WNT7B: variants seen among roughly 807,000 people sequenced by gnomAD.
The protein encoded by WNT7B is Wnt family member 7B.
Under a neutral mutation model 38.2 loss-of-function variants are expected in WNT7B, and 19 were observed. The observed-to-expected ratio is 0.50, with a 90% CI of 0.35 to 0.73. The LOEUF (loss-of-function observed/expected upper bound fraction) is 0.73. Ranked by LOEUF, WNT7B falls within the 30% of genes least tolerant of loss-of-function variation. WNT7B has a pLI of 0.01. For synonymous variants in WNT7B, 243 were observed against 209.3 expected, an observed-to-expected ratio of 1.16 and a Z score of -1.39; for missense variants, 423 against 507.9, an observed-to-expected ratio of 0.83 and a Z score of 1.61.
chr22:45,948,385 G>A (rs539789414), intron 2 of WNT7B, among the ~76,000 whole-genome samples: 5 of 152,300 alleles, frequency 3.3e-5, no homozygotes, highest in African/African-American at 4.8e-5. Context: ...TGTGCCAGGC[G>A]CCACCCACAG....
chr22:45,944,857 C>T (rs912142911), intron 2 of WNT7B, among the ~76,000 whole-genome samples: 1 of 152,178 alleles, frequency 6.6e-6, no homozygotes, highest in African/African-American at 2.4e-5. Flanking sequence ...GCTCAGTGAC[C>T]CTCTACCCTC....
In WNT7B at chr22:45,926,999, C is replaced by T. The variant is rs994082007; in HGVS notation, c.571-3664G>A. The T allele has an allele frequency of 1.7e-5, 17 of 985,330 alleles. No homozygotes were observed. In the African/African-American group the frequency reaches 2.8e-4, roughly 16 times the overall value. The allele number at this position is 985,330 out of a possible 1,614,324, so 61.0% of individuals were successfully genotyped here. On this transcript the variant is annotated intron_variant, in intron 3 of 3. Transcript: ENST00000339464. ...GGTTCCCACCCCCTGGCTCCAGGAG[C>T]TGGTGGAACTCCACAGCGATAGCTT...
At chr22:45,953,530 C>G (rs1931988017) in intron 1 of WNT7B, among the ~76,000 whole-genome samples, 1 of 152,114 alleles carries the variant, frequency 6.6e-6, no homozygotes, top group Non-Finnish European at 1.5e-5. Flanking sequence ...TCTGAAAGAA[C>G]TACAACTCAA....
At chr22:45,934,741 AGTTACTCACCG>A (rs1264587105) in intron 2 of WNT7B, among the ~76,000 whole-genome samples, 2 of 152,196 alleles carry the variant, frequency 1.3e-5, no homozygotes, top group African/African-American at 2.4e-5. Context: ...GCTCAGACTC[AGTTACTCACCG>A]GTTACTCATC....
At position 45,922,755 on chromosome 22, in the gene WNT7B, C is replaced by T; in HGVS notation, c.*101G>A. 1 of 1,518,884 alleles carries T rather than the reference C, an allele frequency of 6.6e-7. No individual in the cohort carries two copies. Among genetic ancestry groups the T allele is most frequent in the Non-Finnish European group, 8.8e-7 (1 of 1,133,966 alleles). The allele number at this position is 1,518,884 out of a possible 1,614,324, so 94.1% of individuals were successfully genotyped here. A position where few individuals can be genotyped will look rare whatever the true frequency, so the allele number is the denominator to read the frequency against. Reference sequence around the variant, plus strand: ...TGGAGCTCCCCGCTTCTGCACCCGTCTATGTCTGCTGCTGGCAGCACCAAG... The same window carrying T: ...TGGAGCTCCCCGCTTCTGCACCCGTTTATGTCTGCTGCTGGCAGCACCAAG... On this transcript the variant is annotated 3_prime_UTR_variant, in exon 4 of 4. Coordinates refer to ENST00000339464, the MANE Select transcript of WNT7B (RefSeq NM_058238.3).
At chr22:45,924,907 C>CCCTAGAGTGGCAGGTGGGT (rs1421998859) in intron 3 of WNT7B, among the ~76,000 whole-genome samples, 1 of 141,892 alleles carries the variant, frequency 7.0e-6, no homozygotes, top group Non-Finnish European at 1.5e-5. Context: ...ACCAGGTGGG[C>CCCTAGAGTGGCAGGTGGGT]CCTAGAGTGG....
intron 2 of WNT7B, among the ~76,000 whole-genome samples, chr22:45,940,732 G>A (rs554905019): frequency 6.6e-6 from 1 of 152,328 alleles, no homozygotes; most frequent in South Asian, 2.1e-4. Flanking sequence ...AGCCAGCAGG[G>A]TAGGGTGGCT....
At chr22:45,968,406 G>C (rs375667438) in intron 1 of WNT7B, among the ~76,000 whole-genome samples, 1 of 152,144 alleles carries the variant, frequency 6.6e-6, no homozygotes, top group Non-Finnish European at 1.5e-5. Context: ...TGAGGTTTGT[G>C]CTCCCGTGAT....
chr22:45,925,385 G>T, intron 3 of WNT7B: 5 of 985,364 alleles, frequency 5.1e-6, no homozygotes, highest in Non-Finnish European at 6.0e-6. Context: ...GAGGGAGGTG[G>T]GAGAGGGAGG....
intron 2 of WNT7B, among the ~76,000 whole-genome samples, chr22:45,946,622 C>T (rs1408177864): frequency 2.0e-5 from 3 of 152,166 alleles, no homozygotes; most frequent in Non-Finnish European, 4.4e-5. Flanking sequence ...GGCCTCCAGG[C>T]ACGAGGGGGA....
chr22:45,939,008 C>G (rs1186531163), intron 2 of WNT7B, among the ~76,000 whole-genome samples: 1 of 152,254 alleles, frequency 6.6e-6, no homozygotes, highest in Non-Finnish European at 1.5e-5. Flanking sequence ...ACAAAAGATT[C>G]TCAGCATCAT....
chr22:45,937,036 G>A (rs1931530842), intron 2 of WNT7B, among the ~76,000 whole-genome samples: 1 of 152,204 alleles, frequency 6.6e-6, no homozygotes, highest in African/African-American at 2.4e-5. Context: ...TAACTGCACG[G>A]AGGAGGAGGT....
At chr22:45,926,835 A>T in intron 3 of WNT7B, 1 of 985,234 alleles carries the variant, frequency 1.0e-6, no homozygotes, top group Non-Finnish European at 1.2e-6. Context: ...GCCGAGAAGG[A>T]GAGTGTGGAG....
At position 45,975,489 on chromosome 22, in the gene WNT7B, C is replaced by A. The variant is rs575006163; in HGVS notation, c.71+1195G>T. 6 of 712,616 alleles carry A rather than the reference C, an allele frequency of 8.4e-6. No individual in the cohort carries two copies. In the East Asian group the frequency reaches 1.6e-4, roughly 19 times the overall value. 44.1% of individuals were successfully genotyped at this position (712,616 alleles called of 1,614,324 possible). On this transcript the variant is annotated intron_variant, in intron 1 of 3. Coordinates refer to ENST00000339464, the MANE Select transcript of WNT7B (RefSeq NM_058238.3). This position sits in a 1 kb window ranked among gnomAD's most constrained non-coding sequence, Gnocchi z 6.6. ...CAGGCTAGGACGGGGGCTTCCAGTC[C>A]TGCCTCTGAAGCCACTGGCTTTGTC... is the stretch of plus-strand genomic sequence containing the variant.
chr22:45,973,021 GGCC>G (rs1183897669), intron 1 of WNT7B, among the ~76,000 whole-genome samples: 1 of 152,250 alleles, frequency 6.6e-6, no homozygotes, highest in East Asian at 1.9e-4. Context: ...TGGCTAACCA[GGCC>G]CAGCCTTGTG....
At chr22:45,956,125 T>C (rs1402894542) in intron 1 of WNT7B, among the ~76,000 whole-genome samples, 1 of 152,152 alleles carries the variant, frequency 6.6e-6, no homozygotes, top group African/African-American at 2.4e-5. Context: ...GCTGCAGGGT[T>C]AGCCAGGTAC....
intron 3 of WNT7B, among the ~76,000 whole-genome samples, chr22:45,930,622 C>G (rs541915982): frequency 6.6e-5 from 10 of 152,318 alleles, no homozygotes; most frequent in South Asian, 6.2e-4. Context: ...CAGCAGCCCC[C>G]GGCTCACAGC....
At chr22:45,928,952 C>G (rs1931192802) in intron 3 of WNT7B, among the ~76,000 whole-genome samples, 1 of 150,198 alleles carries the variant, frequency 6.7e-6, no homozygotes, top group Non-Finnish European at 1.5e-5. Context: ...CTGCTGTGTA[C>G]ACTTCCCCAC....
Position 45,966,094 on chromosome 22 carries a change from C to A in WNT7B, c.71+10590G>T, listed in dbSNP as rs1457050802. On this transcript the variant is annotated intron_variant, in intron 1 of 3. Coordinates refer to ENST00000339464, the MANE Select transcript of WNT7B (RefSeq NM_058238.3). The surrounding 1 kb of genome is among the most constrained non-coding windows in gnomAD (Gnocchi z 4.2). ...TCCTAGCTCCCCTTCTCTGGCAGCCCGAGGGGGACACAGATTCCAAAGCAG... is the reference window on the plus strand; with the variant it reads ...TCCTAGCTCCCCTTCTCTGGCAGCCAGAGGGGGACACAGATTCCAAAGCAG... 6.6e-6 allele frequency among the ~76,000 whole-genome samples: 1 copy of A among 152,118 alleles called. No individual in the cohort carries two copies. Among genetic ancestry groups the A allele is most frequent in the Non-Finnish European group, 1.5e-5 (1 of 68,022 alleles).
Sources: allele counts gnomAD v4.1 joint callset (sites outside exome capture counted in the v4.1 genomes callset), GRCh38; gene constraint gnomAD v4.1.1; non-coding constraint Gnocchi (gnomAD v3.1); transcripts MANE v1.5; gene names NCBI Gene and HGNC (gene_info 2026-07-23, HGNC 2026-07-21).